The following GRIK2 variants were observed in gnomAD, a reference collection of about 807,000 sequenced individuals.
GRIK2 encodes the protein glutamate ionotropic receptor kainate type subunit 2.
Under a neutral mutation model 100.3 loss-of-function variants are expected in GRIK2, and 32 were observed. The observed-to-expected ratio is 0.32, with a 90% CI of 0.24 to 0.43. GRIK2 has a LOEUF of 0.43. Ranked by LOEUF, GRIK2 falls within the 20% of genes least tolerant of loss-of-function variation. The probability of loss-of-function intolerance (pLI) is 1.00; values close to 1 mark genes in which losing one functional copy is unlikely to be tolerated. For missense variants in GRIK2, 843 were observed against 1,114.9 expected, an observed-to-expected ratio of 0.76 and a Z score of 3.47; for synonymous variants, 417 against 389.4, an observed-to-expected ratio of 1.07 and a Z score of -0.83.
intron 2 of GRIK2, among the ~76,000 whole-genome samples, chr6:101,556,028 T>C (rs997324268): frequency 3.3e-5 from 5 of 152,088 alleles, no homozygotes; most frequent in African/African-American, 1.2e-4. Context: ...ATCTTTAATG[T>C]TAACATTTTG....
intron 2 of GRIK2, among the ~76,000 whole-genome samples, chr6:101,406,661 A>G (rs1008786654): frequency 6.6e-6 from 1 of 152,116 alleles, no homozygotes; most frequent in African/African-American, 2.4e-5. Context: ...CTGGGTGCCT[A>G]AGGGAGTGCT....
chr6:101,504,321 C>A (rs12195732), intron 2 of GRIK2, among the ~76,000 whole-genome samples: 5 of 152,014 alleles, frequency 3.3e-5, no homozygotes, highest in Non-Finnish European at 5.9e-5. Flanking sequence ...TGGTGAACTA[C>A]ATTTCTATAT....
intron 14 of GRIK2, among the ~76,000 whole-genome samples, chr6:102,019,451 C>G (rs909909469): frequency 6.6e-6 from 1 of 152,004 alleles, no homozygotes; most frequent in Non-Finnish European, 1.5e-5. Context: ...CACAATGGCC[C>G]CAGACTAACA....
chr6:101,564,137 C>T (rs573509827), intron 2 of GRIK2, among the ~76,000 whole-genome samples: 6 of 152,246 alleles, frequency 3.9e-5, no homozygotes, highest in Admixed American at 1.3e-4. Flanking sequence ...CCTCAAGTCA[C>T]GTTTAAGCTG....
At chr6:101,715,664 A>G (rs1774015584) in intron 7 of GRIK2, among the ~76,000 whole-genome samples, 1 of 151,742 alleles carries the variant, frequency 6.6e-6, no homozygotes, top group Non-Finnish European at 1.5e-5. Flanking sequence ...CATTAATCCC[A>G]TGTTATGAAA....
intron 7 of GRIK2, among the ~76,000 whole-genome samples, chr6:101,775,003 T>C (rs1205240941): frequency 2.0e-5 from 3 of 152,160 alleles, no homozygotes; most frequent in Admixed American, 6.5e-5. Flanking sequence ...CTTATGAAGC[T>C]TTAAAATCTT....
At chr6:101,407,305 C>T (rs78206835) in intron 2 of GRIK2, among the ~76,000 whole-genome samples, 2,161 of 152,134 alleles carry the variant, frequency 0.014, 53 homozygotes, top group African/African-American at 0.05. Flanking sequence ...TAAAGGGGAA[C>T]TCAAAGGTCC....
At position 102,009,903 on chromosome 6, in the gene GRIK2, C is replaced by T. The variant is rs555400153; in HGVS notation, c.2086-25438C>T. On this transcript the variant is annotated intron_variant, in intron 14 of 16. Transcript: ENST00000369134. The stretch of plus-strand genomic sequence containing the variant: ...TTACCTTGTTAAAAGATTTTAGAAA[C>T]CATGAAATACAAAAGCAGGGCATGT... Among the ~76,000 whole-genome samples, 3 of 152,078 alleles carry T rather than the reference C, an allele frequency of 2.0e-5. No individual in the cohort carries two copies. The East Asian group carries it at 5.8e-4, about 29-fold the overall frequency.
At chr6:101,833,531 T>A (rs1782842759) in intron 10 of GRIK2, among the ~76,000 whole-genome samples, 1 of 152,146 alleles carries the variant, frequency 6.6e-6, no homozygotes, top group Non-Finnish European at 1.5e-5. Flanking sequence ...TTTTCTTTTA[T>A]TATTCTTAAC....
At position 101,760,620 on chromosome 6, in the gene GRIK2, A is replaced by G. The variant is rs1320790189; in HGVS notation, c.952-39028A>G. On this transcript the variant is annotated intron_variant, in intron 7 of 16. Coordinates refer to ENST00000369134, the MANE Select transcript of GRIK2 (RefSeq NM_021956.5). ...TAATTATATATAATTATATTTAATT[A>G]TATGTTTAATTATATATAATTATAT... Among the ~76,000 whole-genome samples, 573 of 108,342 alleles carry G rather than the reference A, an allele frequency of 5.3e-3. 90 individuals carry two copies. Among genetic ancestry groups the G allele is most frequent in the African/African-American group, 0.02 (532 of 27,238 alleles). The allele number at this position is 108,342 out of a possible 152,430, so 71.1% of individuals were successfully genotyped here. A position where few individuals can be genotyped will look rare whatever the true frequency, so the allele number is the denominator to read the frequency against.
At chr6:101,624,818 A>G (rs530304075) in intron 3 of GRIK2, among the ~76,000 whole-genome samples, 3 of 152,146 alleles carry the variant, frequency 2.0e-5, no homozygotes, top group South Asian at 2.1e-4. Flanking sequence ...TGCAACCTCA[A>G]TGTCCCAGGC....
intron 2 of GRIK2, among the ~76,000 whole-genome samples, chr6:101,473,952 ATTTT>A (rs1380474816): frequency 6.6e-6 from 1 of 151,854 alleles, no homozygotes; most frequent in African/African-American, 2.4e-5. Context: ...CTGTTATATG[ATTTT>A]TAAAAAACCT....
chr6:101,634,737 GA>G (rs1342256598), intron 4 of GRIK2, among the ~76,000 whole-genome samples: 11 of 151,542 alleles, frequency 7.3e-5, no homozygotes, highest in Admixed American at 2.0e-4. Flanking sequence ...AATATTTTTA[GA>G]AATAGTAATA....
intron 2 of GRIK2, among the ~76,000 whole-genome samples, chr6:101,502,792 ACTTT>A (rs1400362939): frequency 1.3e-5 from 2 of 152,190 alleles, no homozygotes; most frequent in African/African-American, 2.4e-5. Context: ...CAAAAAACTT[ACTTT>A]CTACTATTAT....
chr6:101,780,838 G>A (rs1779038272), intron 7 of GRIK2, among the ~76,000 whole-genome samples: 1 of 152,174 alleles, frequency 6.6e-6, no homozygotes, highest in African/African-American at 2.4e-5. Flanking sequence ...TAGGGCCTTT[G>A]CCCTTTGAAA....
chr6:101,765,747 ATTC>A (rs1778009470), intron 7 of GRIK2, among the ~76,000 whole-genome samples: 1 of 152,124 alleles, frequency 6.6e-6, no homozygotes, highest in Admixed American at 6.6e-5. Context: ...TATAACTGGT[ATTC>A]TTGAAAGTCT....
chr6:101,955,854 T>C (rs767227770), intron 14 of GRIK2, among the ~76,000 whole-genome samples: 29 of 152,110 alleles, frequency 1.9e-4, no homozygotes, highest in Non-Finnish European at 4.1e-4. Flanking sequence ...TGGCTTTGTG[T>C]TTCTTTGATT....
chr6:101,963,509 C>CTTTTTTTTT (rs770178884), intron 14 of GRIK2, among the ~76,000 whole-genome samples: 326 of 106,060 alleles, frequency 3.1e-3, no homozygotes, highest in Non-Finnish European at 3.6e-3. Context: ...TTCTTTCTTT[C>CTTTTTTTTT]TTTTTTTTTT....
chr6:102,067,711 T>C (rs1772086095), intron 16 of GRIK2, among the ~76,000 whole-genome samples: 1 of 151,884 alleles, frequency 6.6e-6, no homozygotes, highest in African/African-American at 2.4e-5. Flanking sequence ...AAAAAGTTAA[T>C]ATTTGTTTGT....
Sources: allele counts gnomAD v4.1 joint callset (sites outside exome capture counted in the v4.1 genomes callset), GRCh38; gene constraint gnomAD v4.1.1; transcripts MANE v1.5; gene names NCBI Gene and HGNC (gene_info 2026-07-23, HGNC 2026-07-21).